Variants in KAT6A observed in about 807,000 individuals in gnomAD.
KAT6A encodes lysine acetyltransferase 6A, also known as histone acetyltransferase KAT6A.
Under a neutral mutation model 198.4 loss-of-function variants are expected in KAT6A, and 9 were observed. That is an observed-to-expected ratio of 0.05 (90% CI 0.03 to 0.08). The LOEUF (loss-of-function observed/expected upper bound fraction) is 0.08. KAT6A is among the 10% of genes least tolerant of loss of function. The pLI, the probability that KAT6A is intolerant of heterozygous loss-of-function variation, is 1.00. For missense variants in KAT6A, 2,077 were observed against 2,509.9 expected (o/e 0.83, Z 3.69); for synonymous variants, 890 against 883.0 (o/e 1.01, Z -0.14).
intron 2 of KAT6A, among the ~76,000 whole-genome samples, chr8:42,020,211 G>A (rs910151721): frequency 2.6e-5 from 4 of 152,150 alleles, no homozygotes; most frequent in Admixed American, 2.0e-4. Context: ...TCATTTACAT[G>A]TTACCTGGTT....
At chr8:42,032,478 T>C (rs904595975) in intron 2 of KAT6A, among the ~76,000 whole-genome samples, 1 of 152,198 alleles carries the variant, frequency 6.6e-6, no homozygotes, top group Non-Finnish European at 1.5e-5. Flanking sequence ...TTTGTCCCGA[T>C]TGGCTAAAGT....
intron 8 of KAT6A, among the ~76,000 whole-genome samples, chr8:41,959,596 C>T (rs1303341601): frequency 1.3e-5 from 2 of 152,202 alleles, no homozygotes; most frequent in Non-Finnish European, 2.9e-5. Context: ...ACCCAAGTAT[C>T]CACTGACAGA....
intron 2 of KAT6A, among the ~76,000 whole-genome samples, chr8:42,001,891 G>A (rs1040822857): frequency 6.6e-6 from 1 of 152,208 alleles, no homozygotes; most frequent in Non-Finnish European, 1.5e-5. Context: ...TGTATGCAAA[G>A]ATACTTAGTA....
intron 7 of KAT6A, 72 bp from the exon 8 acceptor site, chr8:41,974,894 C>A: frequency 1.2e-6 from 1 of 866,078 alleles, no homozygotes; most frequent in Non-Finnish European, 1.8e-6. Context: ...AATTTCAGGT[C>A]TTTATTTCAA....
In KAT6A at chr8:42,047,560, G is replaced by A. The variant is rs868713662; in HGVS notation, c.600+818C>T. 9.2e-5 allele frequency among the ~76,000 whole-genome samples: 14 copies of A among 152,090 alleles called. 1 individual carries two copies. The highest frequency in any genetic ancestry group is 3.4e-3 in the Middle Eastern group (1 of 294). On this transcript the variant is annotated intron_variant, in intron 2 of 16. Transcript: ENST00000265713. The stretch of plus-strand genomic sequence containing the variant: ...CTCCCAAGTAGCTAGGACTACAGGC[G>A]CGCCCATACCTGGCTAATTTTTCTA...
intron 2 of KAT6A, among the ~76,000 whole-genome samples, chr8:41,995,093 A>C (rs1306444710): frequency 6.6e-6 from 1 of 152,124 alleles, no homozygotes; most frequent in Non-Finnish European, 1.5e-5. Context: ...AACAATGCCT[A>C]GTATATAGAA....
intron 15 of KAT6A, among the ~76,000 whole-genome samples, chr8:41,938,415 C>T (rs1821950740): frequency 6.6e-6 from 1 of 152,158 alleles, no homozygotes; most frequent in Non-Finnish European, 1.5e-5. Context: ...TCTTCATGAT[C>T]ATGCAATGAA....
At chr8:41,959,718 G>A (rs1823098415) in intron 8 of KAT6A, among the ~76,000 whole-genome samples, 1 of 152,196 alleles carries the variant, frequency 6.6e-6, no homozygotes, top group East Asian at 1.9e-4. Context: ...CAGCACTCTG[G>A]GAGGCCAAGG....
chr8:41,979,049 C>T (rs1824212880), intron 5 of KAT6A, among the ~76,000 whole-genome samples: 1 of 152,286 alleles, frequency 6.6e-6, no homozygotes, highest in South Asian at 2.1e-4. Context: ...GGGTGGATCA[C>T]CTGAGGTCAG....
intron 12 of KAT6A, among the ~76,000 whole-genome samples, chr8:41,944,317 C>T (rs1822277476): frequency 6.6e-6 from 1 of 152,192 alleles, no homozygotes; most frequent in African/African-American, 2.4e-5. Flanking sequence ...ATTTGGACCA[C>T]TAGATGGCAA....
At chr8:42,016,758 T>C (rs542968927) in intron 2 of KAT6A, among the ~76,000 whole-genome samples, 3 of 152,290 alleles carry the variant, frequency 2.0e-5, no homozygotes, top group African/African-American at 7.2e-5. Flanking sequence ...CACTTACAGG[T>C]CAAAACTTTG....
At chr8:42,049,501 A>G (rs1284489318) in intron 1 of KAT6A, 199 bp from the exon 2 acceptor site, 1 of 166,164 alleles carries the variant, frequency 6.0e-6, no homozygotes, top group South Asian at 2.0e-4. Flanking sequence ...AAAGAAAAAA[A>G]AAAGATGAGT....
At chr8:42,047,573 G>C (rs1802377548) in intron 2 of KAT6A, among the ~76,000 whole-genome samples, 1 of 151,974 alleles carries the variant, frequency 6.6e-6, no homozygotes, top group Admixed American at 6.6e-5. Flanking sequence ...CCCATACCTG[G>C]CTAATTTTTC....
At chr8:41,987,280 G>A (rs1217820752) in intron 3 of KAT6A, among the ~76,000 whole-genome samples, 175 bp downstream of exon 3, 1 of 152,122 alleles carries the variant, frequency 6.6e-6, no homozygotes, top group Admixed American at 6.5e-5. Context: ...ACTCGATGAT[G>A]TTCACACGAT....
At chr8:42,035,727 G>A (rs1216440732) in intron 2 of KAT6A, among the ~76,000 whole-genome samples, 1 of 152,184 alleles carries the variant, frequency 6.6e-6, no homozygotes, top group Non-Finnish European at 1.5e-5. Flanking sequence ...AAATAGTGCT[G>A]CTCTAGGGCC....
intron 1 of KAT6A, among the ~76,000 whole-genome samples, chr8:42,049,879 C>T (rs1056182437): frequency 5.9e-5 from 9 of 152,186 alleles, no homozygotes; most frequent in African/African-American, 2.2e-4. Flanking sequence ...TTACCTTAAT[C>T]TCTCCTAATG....
In KAT6A at chr8:41,929,942, G is replaced by A. The variant is rs1196517956; in HGVS notation, c.*2263C>T. 4.6e-6 allele frequency: 1 copy of A among 215,896 alleles called. No individual in the cohort carries two copies. The highest frequency in any genetic ancestry group is 9.3e-6 in the Non-Finnish European group (1 of 107,662). The allele number at this position is 215,896 out of a possible 1,614,324, so 13.4% of individuals were successfully genotyped here. ...AGTGAGTTTTTAAATTTCTTTTTTA[G>A]AAGATTACCCAAGTTATCTTGCTAA... On this transcript the variant is annotated 3_prime_UTR_variant, in exon 17 of 17. Transcript: ENST00000265713.
At position 42,023,101 on chromosome 8, in the gene KAT6A, T is replaced by A. The variant is rs185548036; in HGVS notation, c.600+25277A>T. Among the ~76,000 whole-genome samples the A allele has an allele frequency of 3.5e-3, 540 of 152,264 alleles. 2 individuals are homozygous for A. Among genetic ancestry groups the A allele is most frequent in the Admixed American group, 6.5e-3 (100 of 15,294 alleles). Reference sequence around the variant, plus strand: ...CTATACTGAATATTGAAGGCAATTGTAACACAATGGTAAGATTTTGAGTAT... The same window carrying A: ...CTATACTGAATATTGAAGGCAATTGAAACACAATGGTAAGATTTTGAGTAT... On this transcript the variant is annotated intron_variant, in intron 2 of 16. Transcript: ENST00000265713.
In KAT6A at chr8:41,961,511, T is replaced by C. The variant is rs140152757; in HGVS notation, c.1483-6100A>G. Among the ~76,000 whole-genome samples the C allele has an allele frequency of 3.5e-4, 54 of 152,170 alleles. 2 individuals are homozygous for C. The East Asian group carries it at 9.9e-3, about 28-fold the overall frequency. On this transcript the variant is annotated intron_variant, in intron 8 of 16. Coordinates refer to ENST00000265713, the MANE Select transcript of KAT6A (RefSeq NM_006766.5). ...GGCTCACCCCTGTAATCCTAACACTTTGGGAGGCCAAGGTGGGCGGGTCAC... is the reference window on the plus strand; with the variant it reads ...GGCTCACCCCTGTAATCCTAACACTCTGGGAGGCCAAGGTGGGCGGGTCAC...
Sources: allele counts gnomAD v4.1 joint callset (sites outside exome capture counted in the v4.1 genomes callset), GRCh38; gene constraint gnomAD v4.1.1; transcripts MANE v1.5; gene names NCBI Gene and HGNC (gene_info 2026-07-23, HGNC 2026-07-21).